Variants in SATB2 observed in about 807,000 individuals in gnomAD.
SATB2 encodes the protein SATB homeobox 2, also known as DNA-binding protein SATB2.
In SATB2, 1 loss-of-function variant was observed where a neutral mutation model predicts 73.4. The ratio of observed to expected loss-of-function variants is 0.01; its 90% CI spans 0.00 to 0.06. The LOEUF (loss-of-function observed/expected upper bound fraction) is 0.06, where lower values mean the gene tolerates loss of function less well. SATB2 is among the 10% of genes least tolerant of loss of function. The probability of loss-of-function intolerance (pLI) is 1.00; values close to 1 mark genes in which losing one functional copy is unlikely to be tolerated. For synonymous variants in SATB2, 397 were observed against 367.0 expected, an observed-to-expected ratio of 1.08 and a Z score of -0.93; for missense variants, 459 against 945.8, an observed-to-expected ratio of 0.49 and a Z score of 6.75.
At chr2:199,386,686 ACGTGCGCAAG>A (rs1337346898) in intron 3 of SATB2, among the ~76,000 whole-genome samples, 1 of 88,066 alleles carries the variant, frequency 1.1e-5, no homozygotes, top group African/African-American at 7.1e-5. Context: ...TATTTCATAC[ACGTGCGCAAG>A]CGCGCGCGCG....
At chr2:199,376,387 T>C (rs558408420) in intron 5 of SATB2, among the ~76,000 whole-genome samples, 1 of 152,302 alleles carries the variant, frequency 6.6e-6, no homozygotes, top group Admixed American at 6.5e-5. Flanking sequence ...TAAACTTAAT[T>C]CATTAAGCAC....
At chr2:199,281,092 T>C (rs1477598757) in intron 10 of SATB2, among the ~76,000 whole-genome samples, 1 of 152,070 alleles carries the variant, frequency 6.6e-6, no homozygotes, top group African/African-American at 2.4e-5. Flanking sequence ...GAAAAGAACC[T>C]ACTTGACTAT....
At chr2:199,298,526 A>G (rs1687185220) in intron 10 of SATB2, among the ~76,000 whole-genome samples, 2 of 152,188 alleles carry the variant, frequency 1.3e-5, no homozygotes, top group Non-Finnish European at 2.9e-5. Context: ...TTTTTAAGTA[A>G]GACAGTCCAA....
At chr2:199,329,074 C>T in intron 7 of SATB2, 164 bp from the exon 8 acceptor site, 4 of 682,860 alleles carry the variant, frequency 5.9e-6, no homozygotes, top group Non-Finnish European at 1.1e-5. Context: ...AGTCAATGTG[C>T]TTGCCTTCCG....
intron 3 of SATB2, among the ~76,000 whole-genome samples, chr2:199,409,332 G>A (rs747360652): frequency 6.6e-5 from 10 of 151,992 alleles, no homozygotes; most frequent in East Asian, 1.9e-4. Context: ...CACCACGCCC[G>A]GCTAATTTTG....
chr2:199,294,694 T>G (rs1411092334), intron 10 of SATB2, among the ~76,000 whole-genome samples: 1 of 152,130 alleles, frequency 6.6e-6, no homozygotes, highest in Admixed American at 6.5e-5. Context: ...TTGACCTGCA[T>G]TGTCAAAAAA....
At chr2:199,302,698 T>A (rs923865554) in intron 10 of SATB2, among the ~76,000 whole-genome samples, 1 of 152,172 alleles carries the variant, frequency 6.6e-6, no homozygotes, top group East Asian at 1.9e-4. Context: ...GTAAGAGAAT[T>A]TGTAAACATT....
intron 10 of SATB2, among the ~76,000 whole-genome samples, chr2:199,307,749 G>C (rs1442586885): frequency 6.6e-6 from 1 of 152,132 alleles, no homozygotes; most frequent in Admixed American, 6.5e-5. Flanking sequence ...CATGTGAGGG[G>C]GGAGGGAAGG....
intron 3 of SATB2, 104 bp from the exon 4 acceptor site, chr2:199,381,924 G>A (rs1442118627): frequency 1.5e-6 from 2 of 1,310,356 alleles, no homozygotes; most frequent in Non-Finnish European, 2.2e-6. Context: ...AACATCCAAG[G>A]CCCACTCAGA....
chr2:199,281,043 C>T (rs2105722642), intron 10 of SATB2, among the ~76,000 whole-genome samples: 1 of 152,168 alleles, frequency 6.6e-6, no homozygotes, highest in South Asian at 2.1e-4. Flanking sequence ...TGTACTCTGT[C>T]CCTTTATTTC....
At chr2:199,467,250 G>T (rs1692612071), upstream of SATB2, among the ~76,000 whole-genome samples, 1 of 152,256 alleles carries the variant, frequency 6.6e-6, no homozygotes, top group African/African-American at 2.4e-5. Context: ...AACTTCTGCG[G>T]ATTCGGCTTT....
At position 199,272,120 on chromosome 2, in the gene SATB2, AAACAAAAAACAAACT is replaced by A; in HGVS notation, c.*76_*90del. The A allele has an allele frequency of 7.4e-7, 1 of 1,345,502 alleles. No homozygotes were observed. The highest frequency in any genetic ancestry group is 1.4e-5 in the African/African-American group (1 of 69,540). The allele number at this position is 1,345,502 out of a possible 1,614,324, so 83.3% of individuals were successfully genotyped here. ...TAAAGCCAAAAAAACCCAAAAACAAAAACAAAAAACAAACTAACAAAAAACTTTTAAAGAAATGAA... is the reference window on the plus strand; with the variant it reads ...TAAAGCCAAAAAAACCCAAAAACAAAAACAAAAAACTTTTAAAGAAATGAA... On this transcript the variant is annotated 3_prime_UTR_variant, in exon 11 of 11. Coordinates refer to ENST00000417098, the MANE Select transcript of SATB2 (RefSeq NM_001172509.2). The surrounding 1 kb of genome is among the most constrained non-coding windows in gnomAD (Gnocchi z 6.7).
chr2:199,374,564 T>C (rs907810622), intron 5 of SATB2, among the ~76,000 whole-genome samples: 11 of 152,184 alleles, frequency 7.2e-5, no homozygotes, highest in Middle Eastern at 3.2e-3. Context: ...GCAAACTTCA[T>C]GTTATGTATA....
chr2:199,415,424 T>G (rs1690948311), intron 3 of SATB2, among the ~76,000 whole-genome samples: 1 of 152,236 alleles, frequency 6.6e-6, no homozygotes, highest in African/African-American at 2.4e-5. Flanking sequence ...TCATTTAAAG[T>G]GCTATATAGT....
intron 3 of SATB2, among the ~76,000 whole-genome samples, chr2:199,401,636 A>G (rs1690481899): frequency 6.6e-6 from 1 of 152,192 alleles, no homozygotes; most frequent in Non-Finnish European, 1.5e-5. Flanking sequence ...TTAAAAAATA[A>G]TAAAATAACC....
chr2:199,288,425 G>C (rs1574473881), intron 10 of SATB2, among the ~76,000 whole-genome samples: 1 of 152,198 alleles, frequency 6.6e-6, no homozygotes. Context: ...ATGTTTGGAA[G>C]AGATGCTTTA....
chr2:199,415,158 C>T lies in SATB2; in HGVS notation c.346+18180G>A, dbSNP rs553010840. ...AAAATATAGGACCTGAAGCAAGAAACGCTCTATCCTTCACAGTACAGACTT... is the reference window on the plus strand; with the variant it reads ...AAAATATAGGACCTGAAGCAAGAAATGCTCTATCCTTCACAGTACAGACTT... On this transcript the variant is annotated intron_variant, in intron 3 of 10. Transcript: ENST00000417098. 2.4e-4 allele frequency among the ~76,000 whole-genome samples: 36 copies of T among 152,322 alleles called. 2 individuals carry two copies. In the South Asian group the frequency reaches 2.5e-3, roughly 11 times the overall value.
intron 10 of SATB2, among the ~76,000 whole-genome samples, chr2:199,281,199 A>C (rs1574467317): frequency 6.7e-6 from 1 of 150,334 alleles, no homozygotes; most frequent in Non-Finnish European, 1.5e-5. Flanking sequence ...ACACCACTGC[A>C]CTCCAGCCTG....
At position 199,310,046 on chromosome 2, in the gene SATB2, T is replaced by C. The variant is rs145011269; in HGVS notation, c.1543-1089A>G. On this transcript the variant is annotated intron_variant, in intron 9 of 10. Coordinates refer to ENST00000417098, the MANE Select transcript of SATB2 (RefSeq NM_001172509.2). Reference sequence around the variant, plus strand: ...AAAGGCAAGATTTGATTATCTCTGCTGCATCAGCCAAGACAGCAACACCAG... The same window carrying C: ...AAAGGCAAGATTTGATTATCTCTGCCGCATCAGCCAAGACAGCAACACCAG... Among the ~76,000 whole-genome samples the C allele has an allele frequency of 7.7e-4, 117 of 152,344 alleles. 4 individuals carry two copies. The East Asian group carries it at 0.021, about 28-fold the overall frequency.
Sources: allele counts gnomAD v4.1 joint callset (sites outside exome capture counted in the v4.1 genomes callset), GRCh38; gene constraint gnomAD v4.1.1; non-coding constraint Gnocchi (gnomAD v3.1); transcripts MANE v1.5; gene names NCBI Gene and HGNC (gene_info 2026-07-23, HGNC 2026-07-21).